Variants in DSP observed in about 807,000 individuals in gnomAD.
DSP encodes 250/210 kDa paraneoplastic pemphigus antigen.
A neutral mutation model predicts 290.6 loss-of-function variants in DSP; 114 were observed. The observed-to-expected ratio is 0.39, with a 90% confidence interval of 0.34 to 0.46. DSP has a LOEUF of 0.46. Among genes scored for constraint, DSP ranks in the 20% least tolerant of loss-of-function variants. The pLI is 0.99. For missense variants in DSP, 3,230 were observed against 3,495.8 expected (o/e 0.92, Z 1.92); for synonymous variants, 1,311 against 1,316.4 (o/e 1.00, Z 0.09).
chr6:7,557,971 C>T, intron 2 of DSP, 145 bp from the exon 3 acceptor site: 2 of 1,023,594 alleles, frequency 2.0e-6, no homozygotes, highest in South Asian at 2.8e-5. Flanking sequence ...GTCTGTTTAC[C>T]TTCTTATCTC....
rs1338657958 is a variant in DSP at position 7,549,022 on chromosome 6, A to G, written c.171-6696A>G. On this transcript the variant is annotated intron_variant, in intron 1 of 23. Transcript: ENST00000379802. ...TAGCCAGGTGTGTTTAAACTAATGC[A>G]AGAGAGGAGAGGATGCAGAGGTGTG... 2.0e-5 allele frequency among the ~76,000 whole-genome samples: 3 copies of G among 152,326 alleles called. No homozygotes were observed. In the East Asian group the frequency reaches 5.8e-4, roughly 29 times the overall value.
intron 8 of DSP, among the ~76,000 whole-genome samples, 160 bp from the exon 9 acceptor site, chr6:7,567,194 T>C (rs1380426310): frequency 6.6e-6 from 1 of 152,228 alleles, no homozygotes; most frequent in Admixed American, 6.5e-5. Context: ...AAGAGATATA[T>C]GGTGAGAAAT....
Position 7,582,668 on chromosome 6 carries a change from G to T in DSP, c.5406G>T (p.Lys1802Asn). 1 of 1,613,718 alleles carries T rather than the reference G, an allele frequency of 6.2e-7. No individual in the cohort carries two copies. Residue 1802 changes from lysine to asparagine, a missense_variant, in exon 24 of 24, where the codon AAG (lysine) becomes AAT (asparagine). Transcript: ENST00000379802. The surrounding 1 kb of genome is among the most constrained non-coding windows in gnomAD (Gnocchi z 4.2). ...LEASNRIQES[K>N]NQCTQVVQER... is the part of the protein sequence containing the mutation. ...CATCTAATAGGATTCAGGAATCAAAGAATCAGTGTACTCAGGTGGTACAGG... is the reference window on the plus strand; with the variant it reads ...CATCTAATAGGATTCAGGAATCAAATAATCAGTGTACTCAGGTGGTACAGG...
intron 1 of DSP, among the ~76,000 whole-genome samples, chr6:7,551,785 C>G (rs528327406): frequency 7.2e-4 from 110 of 152,190 alleles, no homozygotes; most frequent in Non-Finnish European, 1.3e-3. Context: ...TTAAGTACAG[C>G]GAGTTCTGTG....
chr6:7,559,536 C>A, intron 4 of DSP, 136 bp downstream of exon 4: 1 of 1,079,130 alleles, frequency 9.3e-7, no homozygotes, highest in Non-Finnish European at 1.4e-6. Flanking sequence ...GCAGGATTTT[C>A]CTCCTATACA....
At chr6:7,550,537 G>A (rs1758307959) in intron 1 of DSP, among the ~76,000 whole-genome samples, 1 of 151,908 alleles carries the variant, frequency 6.6e-6, no homozygotes. Flanking sequence ...TTAGAATCCA[G>A]AACTTGTTTT....
chr6:7,582,544 T>G lies in DSP; in HGVS notation c.5380-98T>G. On this transcript the variant is annotated intron_variant, in intron 23 of 23. Coordinates refer to ENST00000379802, the MANE Select transcript of DSP (RefSeq NM_004415.4). This position sits in a 1 kb window ranked among gnomAD's most constrained non-coding sequence, Gnocchi z 4.2. ...AAGAAAAAATAAGCAAGGCTTTTTT[T>G]TTTAAAGATAGATACACAAAAGAAA... 1 of 1,088,072 alleles carries G rather than the reference T, an allele frequency of 9.2e-7. No individual in the cohort carries two copies. Among genetic ancestry groups the G allele is most frequent in the East Asian group, 2.5e-5 (1 of 40,212 alleles). 67.4% of individuals were successfully genotyped at this position (1,088,072 alleles called of 1,614,324 possible).
Position 7,585,912 on chromosome 6 carries a change from T to C in DSP, c.*34T>C, listed in dbSNP as rs1759658216. The C allele has an allele frequency of 1.9e-6, 3 of 1,591,470 alleles. No homozygotes were observed. Among genetic ancestry groups the C allele is most frequent in the African/African-American group, 2.7e-5 (2 of 74,622 alleles). Reference sequence around the variant, plus strand: ...TGGGAGTGGTTGCTATACCTTGACTTCATTTATATGAATTTCCACTTTATT... The same window carrying C: ...TGGGAGTGGTTGCTATACCTTGACTCCATTTATATGAATTTCCACTTTATT... On this transcript the variant is annotated 3_prime_UTR_variant, in exon 24 of 24. Transcript: ENST00000379802.
Position 7,565,559 on chromosome 6 carries a change from G to C in DSP, c.939+39G>C. The C allele has an allele frequency of 1.9e-6, 3 of 1,613,168 alleles. No individual in the cohort carries two copies. The highest frequency in any genetic ancestry group is 2.5e-6 in the Non-Finnish European group (3 of 1,179,414). On this transcript the variant is annotated intron_variant, in intron 7 of 23. Coordinates refer to ENST00000379802, the MANE Select transcript of DSP (RefSeq NM_004415.4). This position sits in a 1 kb window ranked among gnomAD's most constrained non-coding sequence, Gnocchi z 4.2. ...ACGCGGCTGTAGATGCTTGTCTTGA[G>C]CCTGTTGCCTTGAAGAGCTGGGGTC... is the stretch of plus-strand genomic sequence containing the variant.
rs991726607 is a variant in DSP at position 7,585,540 on chromosome 6, G to A, written c.8278G>A (p.Ala2760Thr). The A allele has an allele frequency of 5.0e-6, 8 of 1,614,010 alleles. No individual in the cohort carries two copies. The highest frequency in any genetic ancestry group is 2.7e-5 in the African/African-American group (2 of 74,898). ...AIRKGFIDGR[A>T]AQRLQDTSSY... is the part of the protein sequence containing the mutation. Reference sequence around the variant, plus strand: ...CCGGAAGGGGTTCATAGATGGCCGCGCCGCACAGAGGCTGCAAGACACCAG... The same window carrying A: ...CCGGAAGGGGTTCATAGATGGCCGCACCGCACAGAGGCTGCAAGACACCAG... Residue 2760 changes from alanine (A) to threonine (T), a missense_variant, in exon 24 of 24, where the codon GCC becomes ACC. Transcript: ENST00000379802.
chr6:7,556,850 C>T (rs562140668), intron 2 of DSP, among the ~76,000 whole-genome samples: 34 of 152,244 alleles, frequency 2.2e-4, no homozygotes, highest in East Asian at 1.2e-3. Flanking sequence ...AAATGTTCCT[C>T]GCAGTGGCCC....
Position 7,542,371 on chromosome 6 carries a change from C to T in DSP, c.170+286C>T, listed in dbSNP as rs529695712. ...CGTCGGGCCCGCGCGGGGCTGTCCC[C>T]TGCCTGCTGGACACGGCTGCAGCCG... On this transcript the variant is annotated intron_variant, in intron 1 of 23. Transcript: ENST00000379802. Among the ~76,000 whole-genome samples the T allele has an allele frequency of 2.1e-4, 32 of 152,268 alleles. No individual in the cohort carries two copies. In the East Asian group the frequency reaches 6.0e-3, roughly 29 times the overall value.
chr6:7,570,533 A>G lies in DSP; in HGVS notation c.1671A>G (p.Ile557Met), dbSNP rs766505506. Reference protein sequence around the residue: ...LVSWHYCMIDIEKIRAMTIAK... With the variant: ...LVSWHYCMIDMEKIRAMTIAK... ...CCTGGCACTACTGCATGATTGACAT[A>G]GAGAAGATCAGGGCCATGACAATCG... Residue 557 changes from isoleucine to methionine, a missense_variant, in exon 13 of 24, where the codon ATA (isoleucine) becomes ATG (methionine). Transcript: ENST00000379802. 4 of 1,613,788 alleles carry G rather than the reference A, an allele frequency of 2.5e-6. No homozygotes were observed. The highest frequency in any genetic ancestry group is 3.4e-6 in the Non-Finnish European group (4 of 1,180,028).
Position 7,571,692 on chromosome 6 carries a change from C to T in DSP, c.1903+108C>T. 8 of 1,504,078 alleles carry T rather than the reference C, an allele frequency of 5.3e-6. No homozygotes were observed. In the South Asian group the frequency reaches 5.7e-5, roughly 11 times the overall value. 93.2% of individuals were successfully genotyped at this position (1,504,078 alleles called of 1,614,324 possible). On this transcript the variant is annotated intron_variant, in intron 14 of 23. Transcript: ENST00000379802. ...AACCATTTCTCTGAATGCTATATAG[C>T]CAGTGTTCTTCGTGCACTAAATTTT...
chr6:7,574,624 G>A, intron 16 of DSP, 33 bp from the exon 17 acceptor site: 2 of 1,613,764 alleles, frequency 1.2e-6, no homozygotes, highest in Non-Finnish European at 1.7e-6. Flanking sequence ...TTATGTCACT[G>A]GCAATTTTAT....
chr6:7,554,409 C>T (rs1416630964), intron 1 of DSP, among the ~76,000 whole-genome samples: 2 of 152,146 alleles, frequency 1.3e-5, no homozygotes, highest in Non-Finnish European at 2.9e-5. Context: ...GCAACATTTT[C>T]CGCCAACACC....
intron 8 of DSP, 22 bp downstream of exon 8, chr6:7,566,503 T>C (rs1197042873): frequency 6.3e-7 from 1 of 1,598,540 alleles, no homozygotes; most frequent in African/African-American, 1.3e-5. Flanking sequence ...GAGGTTTATA[T>C]TTTTGTTAGA....
chr6:7,566,312 C>T (rs149558425), intron 7 of DSP, 65 bp from the exon 8 acceptor site: 6 of 1,297,294 alleles, frequency 4.6e-6, no homozygotes, highest in Non-Finnish European at 6.7e-6. Context: ...TTAAAAAGTA[C>T]TGTGGGGGTG....
At chr6:7,542,300 G>C (rs540795210) in intron 1 of DSP, among the ~76,000 whole-genome samples, 3 of 152,218 alleles carry the variant, frequency 2.0e-5, no homozygotes, top group African/African-American at 7.2e-5. Context: ...GGACTCGGTC[G>C]TACCTTTCTC....
Sources: allele counts gnomAD v4.1 joint callset (sites outside exome capture counted in the v4.1 genomes callset), GRCh38; gene constraint gnomAD v4.1.1; non-coding constraint Gnocchi (gnomAD v3.1); transcripts MANE v1.5; gene names NCBI Gene and HGNC (gene_info 2026-07-23, HGNC 2026-07-21).